The following SENP7 variants were observed in gnomAD, a reference collection of about 807,000 sequenced individuals.
SENP7 encodes the protein sentrin-specific protease 7.
SENP7 carries 64 observed loss-of-function variants against 141.2 expected under a neutral mutation model. The ratio of observed to expected loss-of-function variants is 0.45; its 90% CI spans 0.37 to 0.56. SENP7 has a LOEUF of 0.56. SENP7 is among the 20% of genes least tolerant of loss of function. SENP7 has a pLI of 0.00. For missense variants in SENP7, 1,025 were observed against 1,212.2 expected (o/e 0.85, Z 2.29); for synonymous variants, 382 against 426.4 (o/e 0.90, Z 1.28).
At chr3:101,458,805 T>C in intron 4 of SENP7, 150 bp downstream of exon 4, 1 of 546,808 alleles carries the variant, frequency 1.8e-6, no homozygotes, top group Non-Finnish European at 3.3e-6. Context: ...CACAGAAAGT[T>C]AGAGACTGAA....
At chr3:101,485,368 C>A (rs2064684008) in intron 3 of SENP7, among the ~76,000 whole-genome samples, 1 of 152,130 alleles carries the variant, frequency 6.6e-6, no homozygotes, top group South Asian at 2.1e-4. Flanking sequence ...CACCCCGCCA[C>A]TACCTCCACT....
At chr3:101,414,051 C>T (rs1007852206) in intron 5 of SENP7, among the ~76,000 whole-genome samples, 3 of 152,102 alleles carry the variant, frequency 2.0e-5, no homozygotes, top group East Asian at 1.9e-4. Context: ...AAAAAGACTA[C>T]GTAAAGGAAA....
At position 101,366,547 on chromosome 3, in the gene SENP7, C is replaced by G. The variant is rs1322491826; in HGVS notation, c.1201G>C (p.Asp401His). 15 of 1,613,772 alleles carry G rather than the reference C, an allele frequency of 9.3e-6. No individual in the cohort carries two copies. Among genetic ancestry groups the G allele is most frequent in the Non-Finnish European group, 1.3e-5 (15 of 1,179,820 alleles). ...ACCAGGGAAGAAATCCCCACAATAT[C>G]AATGGAATTAGAGTTCTCAACGGTT... is the stretch of plus-strand genomic sequence containing the variant. ...TETVENSNSI[D>H]IVGISSLVEK... Residue 401 changes from aspartate to histidine, a missense_variant, in exon 9 of 24, where the codon GAT becomes CAT. Physicochemically the swap from Asp to His is moderately conservative, Grantham distance 81. Around this residue, in one of 4 missense-constraint regions of SENP7, gnomAD observed 496 missense variants for 503.5 expected, o/e 0.99. Transcript: ENST00000394095.
chr3:101,391,853 CA>C (rs2060825115), intron 6 of SENP7, among the ~76,000 whole-genome samples: 1 of 152,080 alleles, frequency 6.6e-6, no homozygotes. Context: ...AAACAGAATC[CA>C]ACCACACATC....
Position 101,442,041 on chromosome 3 carries a change from C to T in SENP7, c.284+16914G>A, listed in dbSNP as rs999185218. Among the ~76,000 whole-genome samples, 3 of 152,092 alleles carry T rather than the reference C, an allele frequency of 2.0e-5. No homozygotes were observed. In the South Asian group the frequency reaches 6.2e-4, roughly 32 times the overall value. On this transcript the variant is annotated intron_variant, in intron 4 of 23. Transcript: ENST00000394095. Reference sequence around the variant, plus strand: ...CACAGATACATCTACAGGAAAAAGTCTCTACCAAATGAGGTTAATCCATAA... The same window carrying T: ...CACAGATACATCTACAGGAAAAAGTTTCTACCAAATGAGGTTAATCCATAA...
intron 11 of SENP7, among the ~76,000 whole-genome samples, chr3:101,359,393 AAT>A (rs904416900): frequency 6.7e-6 from 1 of 149,418 alleles, no homozygotes; most frequent in Admixed American, 6.7e-5. Flanking sequence ...AATATATATA[AAT>A]ATATATATAG....
intron 5 of SENP7, 122 bp downstream of exon 5, chr3:101,417,471 G>A: frequency 2.7e-6 from 2 of 744,688 alleles, no homozygotes; most frequent in Middle Eastern, 3.3e-4. Flanking sequence ...GCTTTAGAGT[G>A]TGGTATGCCT....
chr3:101,371,726 G>A (rs1470396006), intron 7 of SENP7, among the ~76,000 whole-genome samples: 1 of 151,900 alleles, frequency 6.6e-6, no homozygotes, highest in East Asian at 1.9e-4. Flanking sequence ...ACAACACTTA[G>A]AAACAGCTAA....
intron 4 of SENP7, among the ~76,000 whole-genome samples, chr3:101,423,242 AG>A (rs2061844328): frequency 6.6e-6 from 1 of 152,244 alleles, no homozygotes; most frequent in Non-Finnish European, 1.5e-5. Flanking sequence ...AAGGAACAAA[AG>A]AAATTCAACA....
At chr3:101,443,852 G>A (rs77051495) in intron 4 of SENP7, among the ~76,000 whole-genome samples, 23 of 148,548 alleles carry the variant, frequency 1.5e-4, no homozygotes, top group Admixed American at 4.1e-4. Context: ...GGGCTGAGAC[G>A]ATGGGGTTTT....
chr3:101,341,445 A>G (rs2059323694), intron 15 of SENP7, among the ~76,000 whole-genome samples: 3 of 152,222 alleles, frequency 2.0e-5, no homozygotes, highest in Non-Finnish European at 4.4e-5. Context: ...TCTTACTGAC[A>G]TAAAAGTAAA....
chr3:101,400,941 T>C (rs2061120048), intron 5 of SENP7, among the ~76,000 whole-genome samples: 1 of 151,644 alleles, frequency 6.6e-6, no homozygotes, highest in Non-Finnish European at 1.5e-5. Flanking sequence ...CAAAACATAA[T>C]TAACGAGCCA....
intron 23 of SENP7, among the ~76,000 whole-genome samples, chr3:101,327,442 AT>A (rs2058933047): frequency 6.6e-6 from 1 of 152,042 alleles, no homozygotes; most frequent in Admixed American, 6.6e-5. Flanking sequence ...TGCTGCTATC[AT>A]GTAAAAAAGG....
In SENP7 at chr3:101,347,924, A is replaced by G; in HGVS notation, c.1785T>C (p.Asp595=). 1 of 1,607,228 alleles carries G rather than the reference A, an allele frequency of 6.2e-7. No individual in the cohort carries two copies. Among genetic ancestry groups the G allele is most frequent in the Non-Finnish European group, 8.5e-7 (1 of 1,175,024 alleles). ...ATTGGGTCTGAATCTCTTGAAGATAATCTGAAGAGACCCAGAAGAAAAGAA... is the reference window on the plus strand; with the variant it reads ...ATTGGGTCTGAATCTCTTGAAGATAGTCTGAAGAGACCCAGAAGAAAAGAA... The part of the protein sequence containing the change: ...HAILFFWVSS[D]YLQEIQTQLE... The change falls in exon 13 of 24, where the codon GAT becomes GAC. Residue 595 remains aspartate (D), a synonymous_variant. Coordinates refer to ENST00000394095, the MANE Select transcript of SENP7 (RefSeq NM_020654.5).
chr3:101,469,208 T>C (rs1183004313), intron 3 of SENP7, among the ~76,000 whole-genome samples: 1 of 152,024 alleles, frequency 6.6e-6, no homozygotes, highest in Non-Finnish European at 1.5e-5. Context: ...CCCAGATTCA[T>C]AAAGCAAGTC....
At chr3:101,405,441 G>A (rs750041728) in intron 5 of SENP7, among the ~76,000 whole-genome samples, 2 of 152,200 alleles carry the variant, frequency 1.3e-5, no homozygotes, top group Non-Finnish European at 2.9e-5. Context: ...ACAGCCTTCA[G>A]CCCTAGACCT....
At chr3:101,443,942 G>C (rs548258437) in intron 4 of SENP7, among the ~76,000 whole-genome samples, 4 of 151,192 alleles carry the variant, frequency 2.6e-5, no homozygotes, top group East Asian at 1.9e-4. Flanking sequence ...ACTACCATCA[G>C]AGTGAACAGG....
At chr3:101,402,760 CAGAAAAA>C (rs2061187543) in intron 5 of SENP7, among the ~76,000 whole-genome samples, 1 of 151,964 alleles carries the variant, frequency 6.6e-6, no homozygotes, top group East Asian at 1.9e-4. Flanking sequence ...AACTGCCACT[CAGAAAAA>C]AAATAAATAA....
chr3:101,330,883 A>G (rs1424877535), intron 19 of SENP7, among the ~76,000 whole-genome samples: 1 of 152,208 alleles, frequency 6.6e-6, no homozygotes, highest in Non-Finnish European at 1.5e-5. Context: ...CTTACTGCTT[A>G]GGCTACAGCT....
Sources: allele counts gnomAD v4.1 joint callset (sites outside exome capture counted in the v4.1 genomes callset), GRCh38; gene constraint gnomAD v4.1.1; regional missense constraint gnomAD v4.1.1; transcripts MANE v1.5; gene names NCBI Gene and HGNC (gene_info 2026-07-23, HGNC 2026-07-21).